Variants in ZNF808 observed in about 807,000 individuals in gnomAD.
ZNF808 encodes zinc finger protein 808.
ZNF808 carries 5 observed loss-of-function variants against 8.7 expected under a neutral mutation model. The observed-to-expected ratio is 0.58, with a 90% confidence interval of 0.30 to 1.21. ZNF808 has a LOEUF of 1.21. Ranked by LOEUF, ZNF808 falls within the 50% of genes most tolerant of loss-of-function variation. The pLI is 0.07. For missense variants in ZNF808, 1,103 were observed against 1,098.4 expected (o/e 1.00, Z -0.06); for synonymous variants, 380 against 366.0 (o/e 1.04, Z -0.44).
intron 2 of ZNF808, among the ~76,000 whole-genome samples, chr19:52,533,646 G>T (rs2059579383): frequency 6.6e-6 from 1 of 151,594 alleles, no homozygotes; most frequent in South Asian, 2.1e-4. Context: ...CCCGAGGTCA[G>T]GAGTTCGACA....
At chr19:52,543,606 A>T (rs1307385896) in intron 3 of ZNF808, among the ~76,000 whole-genome samples, 1 of 152,170 alleles carries the variant, frequency 6.6e-6, no homozygotes, top group Non-Finnish European at 1.5e-5. Flanking sequence ...GCTCACACCC[A>T]GACGTGGATA....
intron 2 of ZNF808, among the ~76,000 whole-genome samples, chr19:52,539,892 T>G (rs2059653790): frequency 6.6e-6 from 1 of 152,052 alleles, no homozygotes; most frequent in Non-Finnish European, 1.5e-5. Flanking sequence ...TTTCCCAGGC[T>G]GGAGTGCAGT....
chr19:52,552,345 C>T (rs2059785669), intron 4 of ZNF808, among the ~76,000 whole-genome samples: 1 of 151,864 alleles, frequency 6.6e-6, no homozygotes, highest in Admixed American at 6.6e-5. Context: ...TCACTAAGTG[C>T]CTGTTCTGTG....
chr19:52,557,447 T>C (rs552572151), downstream of ZNF808, among the ~76,000 whole-genome samples: 41 of 152,230 alleles, frequency 2.7e-4, no homozygotes, highest in Non-Finnish European at 5.1e-4. Context: ...TTTGCATTGT[T>C]AGTAGAGACA....
chr19:52,540,255 C>T (rs2123115012), intron 2 of ZNF808, among the ~76,000 whole-genome samples: 1 of 152,248 alleles, frequency 6.6e-6, no homozygotes, highest in South Asian at 2.1e-4. Flanking sequence ...TGTGGTCTTC[C>T]TGCCCCGGCC....
Position 52,543,528 on chromosome 19 carries a change from A to T in ZNF808, c.63+181A>T, listed in dbSNP as rs549847214. Among the ~76,000 whole-genome samples, 280 of 152,260 alleles carry T rather than the reference A, an allele frequency of 1.8e-3. 4 individuals carry two copies. The highest frequency in any genetic ancestry group is 6.8e-3 in the Middle Eastern group (2 of 294). ...CTCAGTTCCTCTCAGGTGCTCTGAG[A>T]TTCCATCTCCTGTGACCCAGTGACA... On this transcript the variant is annotated intron_variant, in intron 3 of 4. Transcript: ENST00000359798.
downstream of ZNF808, among the ~76,000 whole-genome samples, chr19:52,560,959 C>T (rs2123225572): frequency 6.6e-6 from 1 of 152,178 alleles, no homozygotes; most frequent in East Asian, 1.9e-4. Context: ...TCCCCTCCAA[C>T]ACTACTCTCA....
In ZNF808 at chr19:52,553,748, C is replaced by G. The variant is rs756942143; in HGVS notation, c.832C>G (p.Arg278Gly). The change falls in exon 5 of 5, where the codon CGT (arginine) becomes GGT (glycine). Residue 278 changes from arginine to glycine, a missense_variant. Transcript: ENST00000359798. ...TCACAAGCAATACCTTGCATGCCAT[C>G]GTAGATGTCACACTGGAGAGAAACC... ...FNHKQYLACH[R>G]RCHTGEKPYK... 1 of 1,614,114 alleles carries G rather than the reference C, an allele frequency of 6.2e-7. No homozygotes were observed. The highest frequency in any genetic ancestry group is 8.5e-7 in the Non-Finnish European group (1 of 1,180,018).
Position 52,555,921 on chromosome 19 carries a change from G to T in ZNF808, c.*293G>T. Reference sequence around the variant, plus strand: ...AGCCTTTACTTCACATTCACACCTCGTTGGACATCAGAGAATCCATACTGG... The same window carrying T: ...AGCCTTTACTTCACATTCACACCTCTTTGGACATCAGAGAATCCATACTGG... On this transcript the variant is annotated 3_prime_UTR_variant, in exon 5 of 5. Transcript: ENST00000359798. 1.5e-6 allele frequency: 1 copy of T among 672,088 alleles called. No individual in the cohort carries two copies. The allele number at this position is 672,088 out of a possible 1,614,324, so 41.6% of individuals were successfully genotyped here.
At chr19:52,529,086 G>A (rs2059537656) in intron 1 of ZNF808, among the ~76,000 whole-genome samples, 2 of 151,894 alleles carry the variant, frequency 1.3e-5, no homozygotes, top group African/African-American at 4.8e-5. Flanking sequence ...CAGTAATGAA[G>A]AAAGGGGGGC....
At chr19:52,546,130 T>C (rs1158313343) in intron 3 of ZNF808, among the ~76,000 whole-genome samples, 2 of 152,144 alleles carry the variant, frequency 1.3e-5, no homozygotes, top group Admixed American at 6.6e-5. Context: ...TAGAACAGTG[T>C]ATAGCACATG....
chr19:52,553,345 T>C lies in ZNF808; in HGVS notation c.429T>C (p.Asp143=). 1.9e-6 allele frequency: 3 copies of C among 1,614,080 alleles called. No homozygotes were observed. Among genetic ancestry groups the C allele is most frequent in the Non-Finnish European group, 1.7e-6 (2 of 1,179,962 alleles). ...KKLTGSTDQH[D]HRHAGNKPIK... Reference sequence around the variant, plus strand: ...TGACTGGTAGCACAGACCAACATGATCACAGGCATGCTGGAAACAAGCCTA... The same window carrying C: ...TGACTGGTAGCACAGACCAACATGACCACAGGCATGCTGGAAACAAGCCTA... Residue 143 remains aspartate, a synonymous_variant, in exon 5 of 5, where the codon GAT becomes GAC. Coordinates refer to ENST00000359798, the MANE Select transcript of ZNF808 (RefSeq NM_001039886.4).
chr19:52,531,440 A>T (rs1376820940), intron 1 of ZNF808, among the ~76,000 whole-genome samples: 1 of 152,052 alleles, frequency 6.6e-6, no homozygotes, highest in Non-Finnish European at 1.5e-5. Flanking sequence ...GCGCCATTGC[A>T]CTCCAGCCTG....
chr19:52,532,301 T>C (rs909000470), intron 1 of ZNF808, among the ~76,000 whole-genome samples: 3 of 151,978 alleles, frequency 2.0e-5, no homozygotes, highest in African/African-American at 7.2e-5. Flanking sequence ...TCTTGGCTCA[T>C]TGCAATCTCT....
chr19:52,561,239 T>TATAC (rs1422204520), downstream of ZNF808, among the ~76,000 whole-genome samples: 48 of 133,492 alleles, frequency 3.6e-4, 2 homozygotes, highest in African/African-American at 1.3e-3. Flanking sequence ...TATATATATA[T>TATAC]ACACTTTTTT....
At chr19:52,538,351 T>TATTATTATC (rs1479612086) in intron 2 of ZNF808, among the ~76,000 whole-genome samples, 10 of 149,456 alleles carry the variant, frequency 6.7e-5, no homozygotes, top group Non-Finnish European at 1.2e-4. Flanking sequence ...TTATTATTAT[T>TATTATTATC]AGTTTTTTGA....
chr19:52,546,594 A>G (rs2059722601), intron 3 of ZNF808, among the ~76,000 whole-genome samples: 1 of 148,250 alleles, frequency 6.7e-6, no homozygotes, highest in Admixed American at 6.7e-5. Context: ...ATCGCCTTGT[A>G]TGTTGAACAT....
At chr19:52,543,732 G>A (rs375267) in intron 3 of ZNF808, among the ~76,000 whole-genome samples, 2 of 152,006 alleles carry the variant, frequency 1.3e-5, no homozygotes, top group Admixed American at 6.6e-5. Flanking sequence ...GTTAATGTGC[G>A]CAGATGTGTG....
Position 52,554,915 on chromosome 19 carries a change from G to A in ZNF808, c.1999G>A (p.Val667Ile), listed in dbSNP as rs1339167503. The A allele has an allele frequency of 8.7e-6, 14 of 1,614,150 alleles. No individual in the cohort carries two copies. Among genetic ancestry groups the A allele is most frequent in the Non-Finnish European group, 1.2e-5 (14 of 1,180,012 alleles). Residue 667 changes from valine (V) to isoleucine (I), a missense_variant, in exon 5 of 5, where the codon GTA becomes ATA. Coordinates refer to ENST00000359798, the MANE Select transcript of ZNF808 (RefSeq NM_001039886.4). ...GACCTTCAGTTACAAGTCATCACTT[G>A]TATGGCATCGTAGACTTCATGGTGG... ...GKTFSYKSSL[V>I]WHRRLHGGEK...
Sources: gnomAD v4.1 joint callset for allele counts (sites outside exome capture counted in the v4.1 genomes callset) on GRCh38, gnomAD v4.1.1 for gene constraint, MANE v1.5 for transcripts, NCBI Gene and HGNC (gene_info 2026-07-23, HGNC 2026-07-21) for gene names.